Variants in FBH1 observed in about 807,000 individuals in gnomAD.
The protein encoded by FBH1 is F-box DNA helicase 1.
In FBH1, 43 loss-of-function variants were observed where a neutral mutation model predicts 115.5. The observed-to-expected ratio is 0.37, with a 90% CI of 0.29 to 0.48. FBH1 has a LOEUF of 0.48. Ranked by LOEUF, FBH1 falls within the 20% of genes least tolerant of loss-of-function variation. The pLI, the probability that FBH1 is intolerant of heterozygous loss-of-function variation, is 0.99. For synonymous variants in FBH1, 524 were observed against 507.8 expected (o/e 1.03, Z -0.43); for missense variants, 1,001 against 1,337.3 (o/e 0.75, Z 3.92).
chr10:5,898,129 T>TG (rs1363407403), intron 1 of FBH1, among the ~76,000 whole-genome samples: 2 of 152,242 alleles, frequency 1.3e-5, no homozygotes, highest in African/African-American at 4.8e-5. Context: ...GAACGTGTGC[T>TG]GCCTCAGTCC....
At chr10:5,922,134 T>C (rs1481314968) in intron 15 of FBH1, among the ~76,000 whole-genome samples, 1 of 152,222 alleles carries the variant, frequency 6.6e-6, no homozygotes, top group African/African-American at 2.4e-5. Context: ...CATTCATTTA[T>C]GGAAAGATTT....
Position 5,906,181 on chromosome 10 carries a change from G to A in FBH1, c.302G>A (p.Cys101Tyr). 1 of 1,614,166 alleles carries A rather than the reference G, an allele frequency of 6.2e-7. No individual in the cohort carries two copies. The highest frequency in any genetic ancestry group is 1.1e-5 in the South Asian group (1 of 91,078). The stretch of plus-strand genomic sequence containing the variant: ...ATGATCTTTCCTGCAGAGAGCAGCT[G>A]TGCACTGCCTCAGGAAGGCAGTGCA... Reference protein sequence around the residue: ...GDMIFPAESSCALPQEGSAGP... With the variant: ...GDMIFPAESSYALPQEGSAGP... Residue 101 changes from cysteine to tyrosine, a missense_variant, in exon 3 of 21, where the codon TGT becomes TAT. Around this residue, in one of 4 missense-constraint regions of FBH1, gnomAD observed 420 missense variants for 430.4 expected, o/e 0.98. Transcript: ENST00000362091. This position sits in a 1 kb window ranked among gnomAD's most constrained non-coding sequence, Gnocchi z 7.3.
rs745451818 is a variant in FBH1, at chr10:5,910,853, C to G, written c.1021-85C>G. The G allele has an allele frequency of 1.1e-5, 13 of 1,234,594 alleles. No homozygotes were observed. In the African/African-American group the frequency reaches 2.0e-4, roughly 19 times the overall value. The allele number at this position is 1,234,594 out of a possible 1,614,324, so 76.5% of individuals were successfully genotyped here. Reference sequence around the variant, plus strand: ...GTAGCCAGCAGCTGGACCCGTGGCTCGGCTTTCCTGACTCCTTCCTGCTGT... The same window carrying G: ...GTAGCCAGCAGCTGGACCCGTGGCTGGGCTTTCCTGACTCCTTCCTGCTGT... On this transcript the variant is annotated intron_variant, in intron 5 of 20. Coordinates refer to ENST00000362091, the MANE Select transcript of FBH1 (RefSeq NM_178150.3). This position sits in a 1 kb window ranked among gnomAD's most constrained non-coding sequence, Gnocchi z 4.8.
chr10:5,913,909 T>A lies in FBH1; in HGVS notation c.1304+70T>A. Reference sequence around the variant, plus strand: ...TCTTCCTCATACTTAAGGAGGGAGATGTTTTGCTTCACTTTAGCAACATCA... The same window carrying A: ...TCTTCCTCATACTTAAGGAGGGAGAAGTTTTGCTTCACTTTAGCAACATCA... On this transcript the variant is annotated intron_variant, in intron 7 of 20. Coordinates refer to ENST00000362091, the MANE Select transcript of FBH1 (RefSeq NM_178150.3). This position sits in a 1 kb window ranked among gnomAD's most constrained non-coding sequence, Gnocchi z 4.4. 1 of 1,242,452 alleles carries A rather than the reference T, an allele frequency of 8.0e-7. No individual in the cohort carries two copies. Among genetic ancestry groups the A allele is most frequent in the Non-Finnish European group, 1.2e-6 (1 of 867,330 alleles). The allele number at this position is 1,242,452 out of a possible 1,614,324, so 77.0% of individuals were successfully genotyped here.
chr10:5,933,975 C>A lies in FBH1; in HGVS notation c.2830-2481C>A, dbSNP rs926346395. 2.6e-5 allele frequency among the ~76,000 whole-genome samples: 4 copies of A among 152,132 alleles called. No homozygotes were observed. Among genetic ancestry groups the A allele is most frequent in the Non-Finnish European group, 5.9e-5 (4 of 68,024 alleles). On this transcript the variant is annotated intron_variant, in intron 19 of 20. Coordinates refer to ENST00000362091, the MANE Select transcript of FBH1 (RefSeq NM_178150.3). The surrounding 1 kb of genome is among the most constrained non-coding windows in gnomAD (Gnocchi z 4.9). Reference sequence around the variant, plus strand: ...CCTTTTTTGTTGTTGTTGATCACAGCCTGTGAATAAATTTGGGGATATCCT... The same window carrying A: ...CCTTTTTTGTTGTTGTTGATCACAGACTGTGAATAAATTTGGGGATATCCT...
chr10:5,902,950 G>T (rs987109691), intron 1 of FBH1, 70 bp from the exon 2 acceptor site: 2 of 1,466,796 alleles, frequency 1.4e-6, no homozygotes, highest in Non-Finnish European at 9.2e-7. Context: ...AGTATAATGT[G>T]CTGGCTAGCT....
At chr10:5,893,605 A>T (rs754012189) in intron 1 of FBH1, among the ~76,000 whole-genome samples, 8 of 151,954 alleles carry the variant, frequency 5.3e-5, no homozygotes, top group Non-Finnish European at 8.8e-5. Context: ...TCAAGACTCA[A>T]CTCTTCGTGA....
In FBH1 at chr10:5,918,538, G is replaced by C; in HGVS notation, c.2100+60G>C. On this transcript the variant is annotated intron_variant, in intron 13 of 20. Transcript: ENST00000362091. This position sits in a 1 kb window ranked among gnomAD's most constrained non-coding sequence, Gnocchi z 4.0. ...TCTCTCCCAATGTCTTACGTGCCAG[G>C]CCCTGTGAAAGGTGGTATGCCAGGC... The C allele has an allele frequency of 6.7e-7, 1 of 1,482,328 alleles. No homozygotes were observed. Among genetic ancestry groups the C allele is most frequent in the Non-Finnish European group, 8.9e-7 (1 of 1,120,966 alleles). 91.8% of individuals were successfully genotyped at this position (1,482,328 alleles called of 1,614,324 possible).
intron 19 of FBH1, among the ~76,000 whole-genome samples, chr10:5,930,846 C>T (rs1832926116): frequency 6.6e-6 from 1 of 152,176 alleles, no homozygotes; most frequent in Non-Finnish European, 1.5e-5. Flanking sequence ...ACCTCCTGGG[C>T]TTAGGCACAG....
chr10:5,909,255 T>G lies in FBH1; in HGVS notation c.981T>G (p.Cys327Trp). Residue 327 changes from cysteine (C) to tryptophan (W), a missense_variant, in exon 5 of 21, where the codon TGT becomes TGG. By Grantham distance (215) the Cys-to-Trp change is radical (BLOSUM62 -2). Around this residue, in one of 4 missense-constraint regions of FBH1, gnomAD observed 420 missense variants for 430.4 expected, o/e 0.98. Coordinates refer to ENST00000362091, the MANE Select transcript of FBH1 (RefSeq NM_178150.3). The surrounding 1 kb of genome is among the most constrained non-coding windows in gnomAD (Gnocchi z 4.4). The stretch of plus-strand genomic sequence containing the variant: ...CCCTCCTCCCCGAGGCTGAGGCGTG[T>G]GTGCGGCAACACCTCCCCGACCTCT... ...DHPLLPEAEA[C>W]VRQHLPDLYA... 6.2e-7 allele frequency: 1 copy of G among 1,612,582 alleles called. No homozygotes were observed. The highest frequency in any genetic ancestry group is 8.5e-7 in the Non-Finnish European group (1 of 1,180,008).
chr10:5,925,168 C>T lies in FBH1; in HGVS notation c.2597-199C>T, dbSNP rs1832567118. 1 of 636,960 alleles carries T rather than the reference C, an allele frequency of 1.6e-6. No individual in the cohort carries two copies. The highest frequency in any genetic ancestry group is 3.3e-5 in the Admixed American group (1 of 30,260). 39.5% of individuals were successfully genotyped at this position (636,960 alleles called of 1,614,324 possible). ...CTCCTGCAACTAATTTTCGACTTTT[C>T]CCCTCGTCTTTTTCTTTTTTCTGTT... On this transcript the variant is annotated intron_variant, in intron 17 of 20. Transcript: ENST00000362091. This position sits in a 1 kb window ranked among gnomAD's most constrained non-coding sequence, Gnocchi z 4.6.
intron 2 of FBH1, among the ~76,000 whole-genome samples, 156 bp downstream of exon 2, chr10:5,903,331 G>GTT (rs35963724): frequency 3.3e-4 from 46 of 141,528 alleles, no homozygotes; most frequent in Non-Finnish European, 4.8e-4. Flanking sequence ...TTTCCATGAA[G>GTT]TTTTTTTTTT....
rs556648448 is a variant in FBH1, at chr10:5,911,195, C to G, written c.1211+67C>G. On this transcript the variant is annotated intron_variant, in intron 6 of 20. Transcript: ENST00000362091. The surrounding 1 kb of genome is among the most constrained non-coding windows in gnomAD (Gnocchi z 5.4). ...GAGAGTCCCAGACACAGCAGCAGGT[C>G]CAGCCCTGCCACTTAGCAGTGTTAG... is the stretch of plus-strand genomic sequence containing the variant. The G allele has an allele frequency of 6.8e-7, 1 of 1,473,164 alleles. No individual in the cohort carries two copies. The highest frequency in any genetic ancestry group is 9.2e-7 in the Non-Finnish European group (1 of 1,083,892). 91.3% of individuals were successfully genotyped at this position (1,473,164 alleles called of 1,614,324 possible).
At position 5,916,282 on chromosome 10, in the gene FBH1, G is replaced by A; in HGVS notation, c.1614G>A (p.Met538Ile). ...ATCTCTTCAAGTTAACACCCTTCAT[G>A]GTCAACTCCGTCCTTGCTGAAGGGA... ...KLNLFKLTPF[M>I]VNSVLAEGKG... The change falls in exon 10 of 21, where the codon ATG becomes ATA. Residue 538 changes from methionine to isoleucine, a missense_variant. Physicochemically the swap from Met to Ile is conservative, Grantham distance 10. Coordinates refer to ENST00000362091, the MANE Select transcript of FBH1 (RefSeq NM_178150.3). 1 of 1,614,164 alleles carries A rather than the reference G, an allele frequency of 6.2e-7. No individual in the cohort carries two copies.
Position 5,931,278 on chromosome 10 carries a change from C to G in FBH1, c.2829+3737C>G, listed in dbSNP as rs117426397. 3.1e-3 allele frequency among the ~76,000 whole-genome samples: 466 copies of G among 152,290 alleles called. 1 individual carries two copies. The highest frequency in any genetic ancestry group is 5.6e-3 in the East Asian group (29 of 5,186). On this transcript the variant is annotated intron_variant, in intron 19 of 20. Coordinates refer to ENST00000362091, the MANE Select transcript of FBH1 (RefSeq NM_178150.3). The surrounding 1 kb of genome is among the most constrained non-coding windows in gnomAD (Gnocchi z 4.3). ...TACCTTGCTTTGTTGCACAACGGCA[C>G]CTTTTTCTTTTTTCTTTTTAACCAG...
At chr10:5,896,659 A>C (rs573660978) in intron 1 of FBH1, among the ~76,000 whole-genome samples, 2 of 152,248 alleles carry the variant, frequency 1.3e-5, no homozygotes, top group South Asian at 4.2e-4. Context: ...ACCAATTTCA[A>C]CAACTCTGGG....
In FBH1 at chr10:5,904,475, T is replaced by A. The variant is rs140083003; in HGVS notation, c.157+1300T>A. Reference sequence around the variant, plus strand: ...GTCTGTTTCTTCTCTATTTTGAGTTTTTTACTGACAAGGACTTGTGAGGTG... The same window carrying A: ...GTCTGTTTCTTCTCTATTTTGAGTTATTTACTGACAAGGACTTGTGAGGTG... On this transcript the variant is annotated intron_variant, in intron 2 of 20. Coordinates refer to ENST00000362091, the MANE Select transcript of FBH1 (RefSeq NM_178150.3). Among the ~76,000 whole-genome samples, 710 of 152,324 alleles carry A rather than the reference T, an allele frequency of 4.7e-3. 6 individuals carry two copies. The highest frequency in any genetic ancestry group is 0.016 in the African/African-American group (666 of 41,568).
At chr10:5,890,603 C>T (rs1038441330) in intron 1 of FBH1, among the ~76,000 whole-genome samples, 7 of 151,216 alleles carry the variant, frequency 4.6e-5, no homozygotes, top group African/African-American at 1.7e-4. Flanking sequence ...CCCCGCGCTG[C>T]CCCCCGAGGC....
Position 5,924,532 on chromosome 10 carries a change from C to T in FBH1, c.2596+24C>T, listed in dbSNP as rs1832514896. ...AGGTAAGGGAAGCAGTTGGTTTTTACCTTCCCCCTAAGAGGAGGAACAGAT... is the reference window on the plus strand; with the variant it reads ...AGGTAAGGGAAGCAGTTGGTTTTTATCTTCCCCCTAAGAGGAGGAACAGAT... On this transcript the variant is annotated intron_variant, in intron 17 of 20. Coordinates refer to ENST00000362091, the MANE Select transcript of FBH1 (RefSeq NM_178150.3). The surrounding 1 kb of genome is among the most constrained non-coding windows in gnomAD (Gnocchi z 6.2). 1 of 1,609,634 alleles carries T rather than the reference C, an allele frequency of 6.2e-7. No individual in the cohort carries two copies. Among genetic ancestry groups the T allele is most frequent in the Non-Finnish European group, 8.5e-7 (1 of 1,177,028 alleles).
Sources: gnomAD v4.1 joint callset for allele counts (sites outside exome capture counted in the v4.1 genomes callset) on GRCh38, gnomAD v4.1.1 for gene constraint, gnomAD v4.1.1 regional missense constraint, Gnocchi (gnomAD v3.1) non-coding constraint, MANE v1.5 for transcripts, NCBI Gene and HGNC (gene_info 2026-07-23, HGNC 2026-07-21) for gene names.